The following PLXDC2 variants were observed in gnomAD, a reference collection of about 807,000 sequenced individuals.
PLXDC2 encodes plexin domain containing 2.
PLXDC2 carries 40 observed loss-of-function variants against 68.9 expected under a neutral mutation model. The observed-to-expected ratio is 0.58, with a 90% CI of 0.45 to 0.76. PLXDC2 has a LOEUF of 0.76. PLXDC2 is among the 30% of genes least tolerant of loss of function. The probability of loss-of-function intolerance (pLI) is 0.00; values close to 1 mark genes in which losing one functional copy is unlikely to be tolerated. For missense variants in PLXDC2, 644 were observed against 661.9 expected (o/e 0.97, Z 0.30); for synonymous variants, 243 against 234.2 (o/e 1.04, Z -0.34).
intron 1 of PLXDC2, among the ~76,000 whole-genome samples, chr10:19,887,695 A>T (rs1366557864): frequency 6.6e-6 from 1 of 152,222 alleles, no homozygotes; most frequent in Non-Finnish European, 1.5e-5. Context: ...CCTGTTGATC[A>T]ACAGAGAATG....
At chr10:20,273,057 G>A (rs1041689516) in intron 13 of PLXDC2, among the ~76,000 whole-genome samples, 4 of 152,148 alleles carry the variant, frequency 2.6e-5, no homozygotes, top group African/African-American at 9.7e-5. Context: ...TGTTAAAATA[G>A]TAGATTCTAA....
intron 1 of PLXDC2, among the ~76,000 whole-genome samples, chr10:19,916,350 C>T (rs560082985): frequency 1.5e-5 from 2 of 134,588 alleles, no homozygotes; most frequent in South Asian, 2.3e-4. Context: ...GGTTTCGCCA[C>T]GTTGGCCAAA....
At chr10:19,822,193 A>G (rs949037099) in intron 1 of PLXDC2, among the ~76,000 whole-genome samples, 2 of 149,336 alleles carry the variant, frequency 1.3e-5, no homozygotes, top group Admixed American at 1.3e-4. Flanking sequence ...ACTATATAGT[A>G]TATATGCACT....
intron 1 of PLXDC2, among the ~76,000 whole-genome samples, chr10:19,896,900 ATCTG>A (rs1297553748): frequency 6.6e-6 from 1 of 152,122 alleles, no homozygotes; most frequent in African/African-American, 2.4e-5. Context: ...AAATGTATCC[ATCTG>A]TCTGCTTAAT....
chr10:19,901,560 G>A (rs1838161685), intron 1 of PLXDC2, among the ~76,000 whole-genome samples: 1 of 152,038 alleles, frequency 6.6e-6, no homozygotes, highest in Non-Finnish European at 1.5e-5. Flanking sequence ...TGAGTTCTTT[G>A]TAGATTCTGG....
chr10:19,983,356 C>A (rs1217776732), intron 1 of PLXDC2, among the ~76,000 whole-genome samples: 5 of 152,132 alleles, frequency 3.3e-5, no homozygotes, highest in Non-Finnish European at 1.5e-5. Context: ...AAACACTTTT[C>A]TTTACTAAGC....
At chr10:20,049,083 C>T (rs1298753456) in intron 3 of PLXDC2, among the ~76,000 whole-genome samples, 1 of 151,882 alleles carries the variant, frequency 6.6e-6, no homozygotes, top group African/African-American at 2.4e-5. Flanking sequence ...TCTTGGTTAC[C>T]CATGAGTATT....
At position 20,159,234 on chromosome 10, in the gene PLXDC2, G is replaced by A. The variant is rs528665900; in HGVS notation, c.784-5234G>A. Among the ~76,000 whole-genome samples, 85 of 152,262 alleles carry A rather than the reference G, an allele frequency of 5.6e-4. No individual in the cohort carries two copies. The Middle Eastern group carries it at 0.014, about 24-fold the overall frequency. On this transcript the variant is annotated intron_variant, in intron 6 of 13. Coordinates refer to ENST00000377252, the MANE Select transcript of PLXDC2 (RefSeq NM_032812.9). ...ATCGAAAGGACACTTCTCATAGACC[G>A]TGAAGTGAGTGAGTCCTCTGGAGTT...
intron 1 of PLXDC2, among the ~76,000 whole-genome samples, chr10:19,902,623 C>G (rs1277072094): frequency 1.3e-5 from 2 of 152,128 alleles, no homozygotes; most frequent in African/African-American, 4.8e-5. Flanking sequence ...ATATCACCAG[C>G]AAACAGCAAC....
At chr10:19,832,086 A>G (rs1262784276) in intron 1 of PLXDC2, among the ~76,000 whole-genome samples, 2 of 152,160 alleles carry the variant, frequency 1.3e-5, no homozygotes, top group Non-Finnish European at 1.5e-5. Flanking sequence ...ATTATTTTTC[A>G]TTTATTCATA....
rs184097816 is a variant in PLXDC2 at position 20,208,288 on chromosome 10, G to A, written c.1062-3381G>A. 1.0e-3 allele frequency among the ~76,000 whole-genome samples: 156 copies of A among 152,226 alleles called. 1 individual carries two copies. The highest frequency in any genetic ancestry group is 3.2e-3 in the African/African-American group (134 of 41,558). On this transcript the variant is annotated intron_variant, in intron 9 of 13. Coordinates refer to ENST00000377252, the MANE Select transcript of PLXDC2 (RefSeq NM_032812.9). The stretch of plus-strand genomic sequence containing the variant: ...TGGCTAGGGAGGCCTCACAATCATG[G>A]TGGAAGGCAAAAGACACATCTTACA...
At chr10:19,818,011 C>T (rs1029544674) in intron 1 of PLXDC2, among the ~76,000 whole-genome samples, 2 of 152,166 alleles carry the variant, frequency 1.3e-5, no homozygotes, top group African/African-American at 4.8e-5. Context: ...GAACCCTGCC[C>T]ACCGCGAACT....
chr10:19,894,228 T>TAAAAC (rs1204256722), intron 1 of PLXDC2, among the ~76,000 whole-genome samples: 2 of 150,856 alleles, frequency 1.3e-5, no homozygotes, highest in East Asian at 3.9e-4. Context: ...CTTGGAAACG[T>TAAAAC]AAAACAAAAC....
At chr10:20,242,555 T>G (rs1196765827) in intron 12 of PLXDC2, among the ~76,000 whole-genome samples, 1 of 152,204 alleles carries the variant, frequency 6.6e-6, no homozygotes, top group African/African-American at 2.4e-5. Context: ...GTCATTCTAA[T>G]ACTGTAACCT....
intron 1 of PLXDC2, among the ~76,000 whole-genome samples, chr10:19,828,210 A>G (rs1016220717): frequency 3.9e-5 from 6 of 152,216 alleles, no homozygotes; most frequent in Non-Finnish European, 8.8e-5. Flanking sequence ...GCATCCTAAG[A>G]AACAGCTTTG....
chr10:20,007,161 C>A (rs1018755223), intron 2 of PLXDC2, among the ~76,000 whole-genome samples: 1 of 152,170 alleles, frequency 6.6e-6, no homozygotes, highest in African/African-American at 2.4e-5. Flanking sequence ...AACTCAGGGA[C>A]ATATGTGTAA....
intron 6 of PLXDC2, among the ~76,000 whole-genome samples, chr10:20,159,622 G>T (rs1333183108): frequency 6.6e-6 from 1 of 152,098 alleles, no homozygotes; most frequent in East Asian, 1.9e-4. Context: ...AAATCTTTCT[G>T]TATCTTTTGG....
At chr10:19,890,543 T>G (rs1837937917) in intron 1 of PLXDC2, among the ~76,000 whole-genome samples, 1 of 56,984 alleles carries the variant, frequency 1.8e-5, no homozygotes, top group Admixed American at 1.9e-4. Flanking sequence ...TGAGACGGGG[T>G]TTTTTTTTTT....
intron 2 of PLXDC2, among the ~76,000 whole-genome samples, chr10:20,027,746 C>T (rs1835427811): frequency 6.7e-6 from 1 of 148,950 alleles, no homozygotes; most frequent in Non-Finnish European, 1.5e-5. Flanking sequence ...GCAGAAACCA[C>T]AATATGAAGA....
Sources: allele counts gnomAD v4.1 joint callset (sites outside exome capture counted in the v4.1 genomes callset), GRCh38; gene constraint gnomAD v4.1.1; transcripts MANE v1.5; gene names NCBI Gene and HGNC (gene_info 2026-07-23, HGNC 2026-07-21).